The following LIN54 variants were observed in gnomAD, a reference collection of about 807,000 sequenced individuals.
LIN54 encodes the protein lin-54 DREAM MuvB core complex component.
Under a neutral mutation model 78.7 loss-of-function variants are expected in LIN54, and 9 were observed. The observed-to-expected ratio is 0.11, with a 90% CI of 0.07 to 0.20. The LOEUF is 0.20. LIN54 is among the 10% of genes least tolerant of loss of function. LIN54 has a pLI of 1.00. For synonymous variants in LIN54, 269 were observed against 318.4 expected, an observed-to-expected ratio of 0.84 and a Z score of 1.65; for missense variants, 573 against 889.9, an observed-to-expected ratio of 0.64 and a Z score of 4.53.
chr4:82,951,523 A>G (rs1485930611), intron 4 of LIN54, among the ~76,000 whole-genome samples: 1 of 152,156 alleles, frequency 6.6e-6, no homozygotes, highest in African/African-American at 2.4e-5. Context: ...TTATCAAGAC[A>G]GGGAAAATAA....
chr4:82,942,290 C>G (rs1560727194), intron 5 of LIN54, among the ~76,000 whole-genome samples: 1 of 152,044 alleles, frequency 6.6e-6, no homozygotes, highest in East Asian at 1.9e-4. Context: ...GGAGGGAGAG[C>G]AGGAGACGTC....
chr4:82,945,951 C>T (rs1029188943), intron 5 of LIN54, among the ~76,000 whole-genome samples: 4 of 152,198 alleles, frequency 2.6e-5, no homozygotes, highest in Non-Finnish European at 4.4e-5. Flanking sequence ...ATACATAATA[C>T]GGTTCCATCT....
At chr4:82,951,180 A>G (rs1723812507) in intron 4 of LIN54, among the ~76,000 whole-genome samples, 1 of 152,206 alleles carries the variant, frequency 6.6e-6, no homozygotes, top group Admixed American at 6.5e-5. Flanking sequence ...GAGACAAATG[A>G]TAAAGTAAGA....
intron 11 of LIN54, among the ~76,000 whole-genome samples, chr4:82,932,451 A>AC (rs1262943817): frequency 2.0e-5 from 3 of 151,520 alleles, no homozygotes; most frequent in African/African-American, 7.3e-5. Context: ...AGGCTGTAAT[A>AC]CCTCACATCT....
chr4:83,004,398 CAAAA>C (rs34722830), intron 1 of LIN54, among the ~76,000 whole-genome samples: 4 of 100,944 alleles, frequency 4.0e-5, no homozygotes, highest in Admixed American at 2.3e-4. Context: ...GACTCCGTTG[CAAAA>C]AAAAAAAAAA....
intron 11 of LIN54, among the ~76,000 whole-genome samples, chr4:82,934,416 TAACAAC>T (rs774258939): frequency 5.3e-5 from 8 of 151,972 alleles, no homozygotes; most frequent in Non-Finnish European, 8.8e-5. Context: ...AAAAACAAAA[TAACAAC>T]AACAACAACA....
rs1205826712 is a variant in LIN54 at position 82,925,762 on chromosome 4, G to T, written c.*2340C>A. On this transcript the variant is annotated 3_prime_UTR_variant, in exon 13 of 13. Coordinates refer to ENST00000340417, the MANE Select transcript of LIN54 (RefSeq NM_194282.4). The stretch of plus-strand genomic sequence containing the variant: ...GTTTATTTTCTGTATGATTTACTTT[G>T]CTGTCCTGTTTTTACAATATAGAAA... 3.9e-5 allele frequency: 6 copies of T among 152,476 alleles called. No homozygotes were observed. The highest frequency in any genetic ancestry group is 1.4e-4 in the African/African-American group (6 of 41,406). The allele number at this position is 152,476 out of a possible 1,614,324, so 9.4% of individuals were successfully genotyped here.
intron 4 of LIN54, among the ~76,000 whole-genome samples, chr4:82,967,681 T>C (rs1484528022): frequency 2.0e-5 from 3 of 152,190 alleles, no homozygotes; most frequent in East Asian, 3.8e-4. Context: ...AACTTGGCAA[T>C]GTGGCAATAA....
chr4:82,940,239 A>G (rs1196738290), intron 5 of LIN54, among the ~76,000 whole-genome samples: 1 of 152,234 alleles, frequency 6.6e-6, no homozygotes, highest in Non-Finnish European at 1.5e-5. Flanking sequence ...TTCAATCTGT[A>G]TTCAGATGAT....
At chr4:83,010,830 C>A, upstream of LIN54, 1 of 1,232,294 alleles carries the variant, frequency 8.1e-7, no homozygotes, top group Non-Finnish European at 1.0e-6. Context: ...CAGTAACCTC[C>A]CCCTTCCTCC....
At chr4:82,989,119 C>T (rs1902831) in intron 1 of LIN54, among the ~76,000 whole-genome samples, 65,341 of 151,324 alleles carry the variant, frequency 0.43, 16,940 homozygotes, top group Admixed American at 0.58. Context: ...ACCCGGGAGG[C>T]GGAGCTTGCA....
At chr4:82,940,434 C>T (rs1327853756) in intron 5 of LIN54, among the ~76,000 whole-genome samples, 12 of 152,070 alleles carry the variant, frequency 7.9e-5, no homozygotes, top group Admixed American at 7.9e-4. Context: ...TGTCTGTCAC[C>T]CAGGCTGGAG....
At chr4:83,010,939 C>T, upstream of LIN54, 1 of 818,606 alleles carries the variant, frequency 1.2e-6, no homozygotes, top group Non-Finnish European at 1.6e-6. Flanking sequence ...AAGGGCCGTG[C>T]AAGTGCACAC....
chr4:82,930,820 G>A (rs1721885942), intron 12 of LIN54, 123 bp downstream of exon 12: 1 of 809,604 alleles, frequency 1.2e-6, no homozygotes, highest in Non-Finnish European at 2.0e-6. Flanking sequence ...ACTAAAGATG[G>A]AAAGAAAACA....
At chr4:82,929,599 G>A (rs971345998) in intron 12 of LIN54, among the ~76,000 whole-genome samples, 13 of 152,170 alleles carry the variant, frequency 8.5e-5, no homozygotes, top group African/African-American at 3.1e-4. Context: ...GAGGTCAGGC[G>A]TTCAAGACCA....
chr4:82,941,174 A>ATATC (rs1236656168), intron 5 of LIN54, among the ~76,000 whole-genome samples: 3 of 143,058 alleles, frequency 2.1e-5, no homozygotes, highest in South Asian at 4.4e-4. Flanking sequence ...ATATATATAT[A>ATATC]TCGTTGGCAG....
intron 4 of LIN54, among the ~76,000 whole-genome samples, chr4:82,966,843 A>G (rs1015558640): frequency 3.9e-4 from 60 of 152,182 alleles, no homozygotes; most frequent in Non-Finnish European, 6.0e-4. Context: ...CTCCTGTCTC[A>G]GGTGATCTGC....
At chr4:82,932,639 A>G (rs1722057817) in intron 11 of LIN54, among the ~76,000 whole-genome samples, 1 of 149,608 alleles carries the variant, frequency 6.7e-6, no homozygotes. Flanking sequence ...ACCAACATGG[A>G]GAAACCCCAT....
chr4:83,011,652 C>T (rs1207845594), upstream of LIN54, among the ~76,000 whole-genome samples: 1 of 151,900 alleles, frequency 6.6e-6, no homozygotes, highest in Non-Finnish European at 1.5e-5. Flanking sequence ...AAACAGCTTG[C>T]TTCAGAACAA....
Sources: gnomAD v4.1 joint callset for allele counts (sites outside exome capture counted in the v4.1 genomes callset) on GRCh38, gnomAD v4.1.1 for gene constraint, MANE v1.5 for transcripts, NCBI Gene and HGNC (gene_info 2026-07-23, HGNC 2026-07-21) for gene names.